The following ZC3H12B variants were observed in gnomAD, a reference collection of about 807,000 sequenced individuals.
ZC3H12B encodes the protein zinc finger CCCH-type containing 12B.
A neutral mutation model predicts 43.9 loss-of-function variants in ZC3H12B; 7 were observed. The ratio of observed to expected loss-of-function variants is 0.16; its 90% CI spans 0.09 to 0.30. The LOEUF is 0.30. Among genes scored for constraint, ZC3H12B ranks in the 10% least tolerant of loss-of-function variants. The pLI, the probability that ZC3H12B is intolerant of heterozygous loss-of-function variation, is 1.00. For missense variants in ZC3H12B, 475 were observed against 670.2 expected (o/e 0.71, Z 3.22); for synonymous variants, 222 against 241.7 (o/e 0.92, Z 0.76).
At chrX:65,466,839 T>C (rs1602493668) in intron 3 of ZC3H12B, among the ~76,000 whole-genome samples, 1 of 95,960 alleles carries the variant, frequency 1.0e-5, no homozygotes, top group South Asian at 5.3e-4. Context: ...CCTTTTCTTA[T>C]ACTTCTTGGG....
chrX:65,262,457 G>C, the ZC3H12B span, among the ~76,000 whole-genome samples: 1 of 111,187 alleles, frequency 9.0e-6, no homozygotes, highest in Non-Finnish European at 1.9e-5. Context: ...AGCCTGCAAT[G>C]TTTGAAATTT....
the ZC3H12B span, among the ~76,000 whole-genome samples, chrX:65,170,240 A>G: frequency 9.0e-6 from 1 of 111,315 alleles, no homozygotes; most frequent in Non-Finnish European, 1.9e-5. Context: ...TGGTGACAAA[A>G]TCTCTCAGCA....
the ZC3H12B span, among the ~76,000 whole-genome samples, chrX:65,142,353 T>G: frequency 2.7e-5 from 3 of 112,005 alleles, no homozygotes; most frequent in African/African-American, 9.7e-5. Context: ...TATGGGATTG[T>G]TTGTTTTTCT....
chrX:65,310,820 C>A, the ZC3H12B span, among the ~76,000 whole-genome samples: 1 of 111,402 alleles, frequency 9.0e-6, no homozygotes, highest in Non-Finnish European at 1.9e-5. Flanking sequence ...TGGAACAGAA[C>A]AGGGGCCTCA....
chrX:65,458,857 A>G (rs1397966109), intron 3 of ZC3H12B, among the ~76,000 whole-genome samples: 1 of 111,609 alleles, frequency 9.0e-6, no homozygotes, highest in Non-Finnish European at 1.9e-5. Flanking sequence ...AATAACTAAG[A>G]TCAGAGCAGA....
chrX:65,448,979 G>GAAAGAAAGAAAGAAAGAAAGAAAGAA (rs1158285090), intron 3 of ZC3H12B, among the ~76,000 whole-genome samples: 7 of 21,640 alleles, frequency 3.2e-4, no homozygotes, highest in Admixed American at 2.0e-3. Context: ...AAGAAAGAAA[G>GAAAGAAAGAAAGAAAGAAAGAAAGAA]AGAAAGAAAG....
the ZC3H12B span, among the ~76,000 whole-genome samples, chrX:65,164,427 G>C: frequency 9.0e-6 from 1 of 111,352 alleles, no homozygotes; most frequent in Non-Finnish European, 1.9e-5. Flanking sequence ...ATCTATAGGA[G>C]CAATTAGGGA....
intron 3 of ZC3H12B, among the ~76,000 whole-genome samples, chrX:65,425,450 CT>C (rs886688120): frequency 2.7e-5 from 3 of 110,788 alleles, no homozygotes; most frequent in Non-Finnish European, 5.7e-5. Context: ...TTTTTGAATA[CT>C]CTTTATTTTT....
At chrX:65,251,351 T>C in the ZC3H12B span, among the ~76,000 whole-genome samples, 3 of 111,747 alleles carry the variant, frequency 2.7e-5, no homozygotes, top group Admixed American at 9.5e-5. Context: ...CCTTGTAGTA[T>C]AGTTTGAAAT....
chrX:65,097,723 T>C, the ZC3H12B span, among the ~76,000 whole-genome samples: 3 of 112,296 alleles, frequency 2.7e-5, no homozygotes, highest in South Asian at 1.1e-3. Flanking sequence ...GGTTGAATAG[T>C]CCTGCTTTTT....
chrX:65,430,203 C>T lies in ZC3H12B; in HGVS notation n.407+31499C>T, dbSNP rs1458797011. On this transcript the variant is annotated intron_variant and non_coding_transcript_variant, in intron 3 of 5. Transcript: ENST00000617377. ...TGTGTGTGCCTGAGCAGCTGCTCTGCCAAGAGTCCACACAGATCTGTGTGT... is the reference window on the plus strand; with the variant it reads ...TGTGTGTGCCTGAGCAGCTGCTCTGTCAAGAGTCCACACAGATCTGTGTGT... Among the ~76,000 whole-genome samples the T allele has an allele frequency of 2.7e-5, 3 of 111,474 alleles. No individual in the cohort carries two copies. In the Middle Eastern group the frequency reaches 0.014, roughly 511 times the overall value.
chrX:65,117,604 G>T, the ZC3H12B span, among the ~76,000 whole-genome samples: 1 of 111,719 alleles, frequency 9.0e-6, no homozygotes, highest in Non-Finnish European at 1.9e-5. Flanking sequence ...TGTTGCCATT[G>T]GTTTTGGTGT....
intron 3 of ZC3H12B, among the ~76,000 whole-genome samples, chrX:65,460,317 C>G (rs1232903599): frequency 8.9e-6 from 1 of 111,909 alleles, no homozygotes; most frequent in African/African-American, 3.2e-5. Context: ...CCATCCCCAT[C>G]AAGCTACCAA....
the ZC3H12B span, among the ~76,000 whole-genome samples, chrX:65,261,566 T>G: frequency 9.0e-6 from 1 of 111,049 alleles, no homozygotes; most frequent in East Asian, 2.8e-4. Context: ...CTGAGATGAT[T>G]TGAAGTAATA....
At chrX:65,256,855 C>G in the ZC3H12B span, among the ~76,000 whole-genome samples, 3 of 112,113 alleles carry the variant, frequency 2.7e-5, no homozygotes, top group African/African-American at 9.7e-5. Flanking sequence ...GAAAAAAATG[C>G]TCATCATCAC....
At chrX:65,304,398 C>T in the ZC3H12B span, among the ~76,000 whole-genome samples, 141 of 111,409 alleles carry the variant, frequency 1.3e-3, 2 homozygotes, top group East Asian at 0.016. Context: ...GAGTGGATCA[C>T]GAGGTCAGGA....
At chrX:65,406,645 G>GGCGGGGCCGA (rs1330904513) in intron 3 of ZC3H12B, among the ~76,000 whole-genome samples, 1 of 107,386 alleles carries the variant, frequency 9.3e-6, no homozygotes, top group African/African-American at 3.4e-5. Flanking sequence ...GGCGGGGCCG[G>GGCGGGGCCGA]CGCTGGTTAG....
At chrX:65,109,729 G>A in the ZC3H12B span, among the ~76,000 whole-genome samples, 5 of 111,521 alleles carry the variant, frequency 4.5e-5, no homozygotes, top group Non-Finnish European at 7.6e-5. Flanking sequence ...TGGAATTGCC[G>A]GGTCATGTGC....
At chrX:65,234,348 A>G in the ZC3H12B span, among the ~76,000 whole-genome samples, 1 of 112,081 alleles carries the variant, frequency 8.9e-6, no homozygotes, top group East Asian at 2.8e-4. Flanking sequence ...TTGGTACAGA[A>G]GGAACATACC....
Sources: gnomAD v4.1 joint callset for allele counts (sites outside exome capture counted in the v4.1 genomes callset) on GRCh38, gnomAD v4.1.1 for gene constraint, MANE v1.5 for transcripts, NCBI Gene and HGNC (gene_info 2026-07-23, HGNC 2026-07-21) for gene names.